The following FRMD7 variants were observed in gnomAD, a reference collection of about 807,000 sequenced individuals.
FRMD7 encodes FERM domain containing 7, also known as FERM domain-containing protein 7.
FRMD7 carries 14 observed loss-of-function variants against 44.1 expected under a neutral mutation model. The ratio of observed to expected loss-of-function variants is 0.32; its 90% CI spans 0.21 to 0.50. The LOEUF (loss-of-function observed/expected upper bound fraction) is 0.50. Among genes scored for constraint, FRMD7 ranks in the 20% least tolerant of loss-of-function variants. The pLI is 0.99. For missense variants in FRMD7, 501 were observed against 522.3 expected, an observed-to-expected ratio of 0.96 and a Z score of 0.40; for synonymous variants, 212 against 187.4, an observed-to-expected ratio of 1.13 and a Z score of -1.07.
rs2064650 is a variant in FRMD7, at chrX:132,097,229, G to A, written c.284+37C>T. 184,429 of 940,221 alleles carry A rather than the reference G, an allele frequency of 0.2. 13,779 individuals are homozygous for A. Among genetic ancestry groups the A allele is most frequent in the African/African-American group, 0.33 (16,854 of 51,754 alleles). The allele number at this position is 940,221 out of a possible 1,213,427, so 77.5% of individuals were successfully genotyped here. A position where few individuals can be genotyped will look rare whatever the true frequency, so the allele number is the denominator to read the frequency against. ...ATAAATGGAGAATAATGATTCTTAA[G>A]TAACATCATGCAGAGACACACAGGT... On this transcript the variant is annotated intron_variant, in intron 4 of 11. Coordinates refer to ENST00000298542, the MANE Select transcript of FRMD7 (RefSeq NM_194277.3).
Position 132,077,157 on chromosome X carries a change from A to G in FRMD7, c.*715T>C, listed in dbSNP as rs1252968468. On this transcript the variant is annotated 3_prime_UTR_variant, in exon 12 of 12. Transcript: ENST00000298542. ...ATAATGTTTCTCTTTTACTAGATAT[A>G]GTAGATAAGAATATAGAAGTTATAA... 1.8e-5 allele frequency: 2 copies of G among 111,875 alleles called. No homozygotes were observed. The highest frequency in any genetic ancestry group is 6.5e-5 in the African/African-American group (2 of 30,772). 9.2% of individuals were successfully genotyped at this position (111,875 alleles called of 1,213,427 possible).
intron 5 of FRMD7, among the ~76,000 whole-genome samples, chrX:132,092,045 A>G (rs1451935499): frequency 8.9e-6 from 1 of 111,870 alleles, no homozygotes; most frequent in Admixed American, 9.5e-5. Context: ...CCGCTGCCAA[A>G]ATGTGAGCTC....
At chrX:132,106,738 G>A (rs999271216) in intron 1 of FRMD7, among the ~76,000 whole-genome samples, 6 of 112,039 alleles carry the variant, frequency 5.4e-5, no homozygotes, top group African/African-American at 9.7e-5. Flanking sequence ...GGATGGAGCC[G>A]GAGGCCATTA....
Position 132,078,493 on chromosome X carries a change from C to A in FRMD7, c.1524G>T (p.Trp508Cys), listed in dbSNP as rs1300721393. Residue 508 changes from tryptophan to cysteine, a missense_variant, in exon 12 of 12, where the codon TGG becomes TGT. Around this residue, in one of 3 missense-constraint regions of FRMD7, gnomAD observed 453 missense variants for 452.7 expected, o/e 1.00. Coordinates refer to ENST00000298542, the MANE Select transcript of FRMD7 (RefSeq NM_194277.3). The part of the protein sequence containing the change: ...YVDKPPQVPR[W>C]SPIRAEERTS... ...TCCTTTCCTCTGCTCTAATTGGGGA[C>A]CATCTGGGCACCTGGGGTGGCTTGT... 2 of 1,208,652 alleles carry A rather than the reference C, an allele frequency of 1.7e-6. No homozygotes were observed. Among genetic ancestry groups the A allele is most frequent in the Non-Finnish European group, 2.2e-6 (2 of 894,401 alleles).
Position 132,080,027 on chromosome X carries a change from G to A in FRMD7, c.1029C>T (p.Leu343=). The change falls in exon 11 of 12, where the codon CTC becomes CTT. Residue 343 remains leucine (L), a synonymous_variant. Transcript: ENST00000298542. ...TTACTTGTTTTGACACATCAGAGAG[G>A]AGGTCTGGTGAGGACCTGCACTGTC... ...HERQCRSSPD[L]LSDVSKQVED... 1.7e-6 allele frequency: 2 copies of A among 1,189,596 alleles called. No individual in the cohort carries two copies. Among genetic ancestry groups the A allele is most frequent in the Non-Finnish European group, 2.3e-6 (2 of 875,429 alleles).
At chrX:132,117,292 T>C (rs1373229724) in intron 1 of FRMD7, among the ~76,000 whole-genome samples, 1 of 111,738 alleles carries the variant, frequency 8.9e-6, no homozygotes, top group East Asian at 2.8e-4. Context: ...AGTGTGGCCC[T>C]GCCGTCATGA....
intron 9 of FRMD7, among the ~76,000 whole-genome samples, chrX:132,081,513 G>A (rs1223267295): frequency 8.9e-6 from 1 of 112,890 alleles, no homozygotes; most frequent in South Asian, 3.6e-4. Flanking sequence ...AATAACTCAG[G>A]TCATTAAGAA....
At position 132,078,334 on chromosome X, in the gene FRMD7, G is replaced by T. The variant is rs1490286328; in HGVS notation, c.1683C>A (p.Ser561Arg). ...QEAIARTSGR[S>R]NINVGLEEED... Reference sequence around the variant, plus strand: ...CCTCTTCTAGACCTACATTGATGTTGCTCCTACCGCTAGTCCTGGCTATAG... The same window carrying T: ...CCTCTTCTAGACCTACATTGATGTTTCTCCTACCGCTAGTCCTGGCTATAG... The change falls in exon 12 of 12, where the codon AGC becomes AGA. Residue 561 changes from serine to arginine, a missense_variant. Ser to Arg is a moderately radical substitution (Grantham distance 110). Coordinates refer to ENST00000298542, the MANE Select transcript of FRMD7 (RefSeq NM_194277.3). 4.1e-6 allele frequency: 5 copies of T among 1,211,418 alleles called. No homozygotes were observed. The highest frequency in any genetic ancestry group is 1.1e-6 in the Non-Finnish European group (1 of 895,095).
chrX:132,090,313 G>C (rs1928128893), intron 5 of FRMD7, among the ~76,000 whole-genome samples: 1 of 110,692 alleles, frequency 9.0e-6, no homozygotes, highest in African/African-American at 3.3e-5. Context: ...GGAGGTGGAG[G>C]CTGCAGTGAG....
At chrX:132,120,652 C>T (rs1410231712) in intron 1 of FRMD7, among the ~76,000 whole-genome samples, 2 of 112,301 alleles carry the variant, frequency 1.8e-5, no homozygotes, top group African/African-American at 3.2e-5. Flanking sequence ...GGAGGCCCTG[C>T]CTTTGCTCTG....
intron 9 of FRMD7, 112 bp downstream of exon 9, chrX:132,082,251 T>C (rs754259125): frequency 1.5e-6 from 1 of 654,606 alleles, no homozygotes; most frequent in East Asian, 3.2e-5. Context: ...CAATCTTTGA[T>C]GTGATTGAAA....
At chrX:132,118,808 G>C (rs1928966740) in intron 1 of FRMD7, among the ~76,000 whole-genome samples, 1 of 110,694 alleles carries the variant, frequency 9.0e-6, no homozygotes, top group Non-Finnish European at 1.9e-5. Flanking sequence ...TACTCCACAG[G>C]CCTTTTCCTG....
chrX:132,085,892 G>A (rs762230048), intron 6 of FRMD7, 28 bp downstream of exon 6: 3 of 1,056,943 alleles, frequency 2.8e-6, no homozygotes, highest in African/African-American at 1.8e-5. Context: ...TCTACTGGGG[G>A]AAGCAGGTGC....
intron 1 of FRMD7, among the ~76,000 whole-genome samples, chrX:132,116,794 C>T (rs1181622890): frequency 5.4e-5 from 6 of 111,540 alleles, no homozygotes; most frequent in African/African-American, 2.0e-4. Flanking sequence ...CAAACCTGTC[C>T]GTTCTGCACA....
At position 132,094,036 on chromosome X, in the gene FRMD7, A is replaced by G; in HGVS notation, c.382+6T>C. The G allele has an allele frequency of 9.2e-7, 1 of 1,089,912 alleles. No homozygotes were observed. The highest frequency in any genetic ancestry group is 1.3e-6 in the Non-Finnish European group (1 of 784,934). 89.8% of individuals were successfully genotyped at this position (1,089,912 alleles called of 1,213,427 possible). ...GTCCCAAAGCAGACAGACATTTGCT[A>G]CTTACATTGTAAGATGTGAGATACC... On this transcript the variant is annotated splice_donor_region_variant and intron_variant, in intron 5 of 11. Coordinates refer to ENST00000298542, the MANE Select transcript of FRMD7 (RefSeq NM_194277.3).
chrX:132,087,960 A>C (rs1481092026), intron 5 of FRMD7, among the ~76,000 whole-genome samples: 1 of 112,030 alleles, frequency 8.9e-6, no homozygotes, highest in Non-Finnish European at 1.9e-5. Context: ...TAACCCGCAC[A>C]TTATCTTCTC....
chrX:132,077,331 C>T lies in FRMD7; in HGVS notation c.*541G>A, dbSNP rs918823398. On this transcript the variant is annotated 3_prime_UTR_variant, in exon 12 of 12. Transcript: ENST00000298542. The stretch of plus-strand genomic sequence containing the variant: ...GAGGATCTATGCCACCACCTCCTTC[C>T]TGAGGCTGTAGGAGGGCCATGCTCT... 5 of 114,250 alleles carry T rather than the reference C, an allele frequency of 4.4e-5. No individual in the cohort carries two copies. The highest frequency in any genetic ancestry group is 1.6e-4 in the African/African-American group (5 of 30,772). 9.4% of individuals were successfully genotyped at this position (114,250 alleles called of 1,213,427 possible).
chrX:132,103,485 TG>T (rs1928560858), intron 1 of FRMD7, among the ~76,000 whole-genome samples: 1 of 68,252 alleles, frequency 1.5e-5, no homozygotes, highest in Non-Finnish European at 2.8e-5. Flanking sequence ...TGCCTTTAAA[TG>T]TCTATCTATC....
At chrX:132,079,231 G>A (rs766524250) in intron 11 of FRMD7, among the ~76,000 whole-genome samples, 1 of 112,105 alleles carries the variant, frequency 8.9e-6, no homozygotes, top group East Asian at 2.8e-4. Context: ...TACACTACAA[G>A]CAGTTTGGTT....
Sources: gnomAD v4.1 joint callset for allele counts (sites outside exome capture counted in the v4.1 genomes callset) on GRCh38, gnomAD v4.1.1 for gene constraint, gnomAD v4.1.1 regional missense constraint, MANE v1.5 for transcripts, NCBI Gene and HGNC (gene_info 2026-07-23, HGNC 2026-07-21) for gene names.